CCDC91: variants seen among roughly 807,000 people sequenced by gnomAD.
The protein encoded by CCDC91 is coiled-coil domain containing 91.
A neutral mutation model predicts 63.2 loss-of-function variants in CCDC91; 48 were observed. The ratio of observed to expected loss-of-function variants is 0.76; its 90% CI spans 0.60 to 0.97. The LOEUF is 0.97. Ranked by LOEUF, CCDC91 falls within the 50% of genes least tolerant of loss-of-function variation. The pLI, the probability that CCDC91 is intolerant of heterozygous loss-of-function variation, is 0.00. For missense variants in CCDC91, 500 were observed against 494.6 expected, an observed-to-expected ratio of 1.01 and a Z score of -0.10; for synonymous variants, 167 against 165.8, an observed-to-expected ratio of 1.01 and a Z score of -0.06.
intron 12 of CCDC91, among the ~76,000 whole-genome samples, chr12:28,529,849 C>T (rs1941590847): frequency 6.6e-6 from 1 of 152,090 alleles, no homozygotes; most frequent in Non-Finnish European, 1.5e-5. Flanking sequence ...CTTTTTCATG[C>T]ATACCAAATC....
At chr12:28,344,193 A>G (rs1416901327) in intron 6 of CCDC91, among the ~76,000 whole-genome samples, 1 of 152,152 alleles carries the variant, frequency 6.6e-6, no homozygotes, top group African/African-American at 2.4e-5. Context: ...TGTAGTCACT[A>G]GCAAACTTAA....
intron 8 of CCDC91, among the ~76,000 whole-genome samples, chr12:28,396,473 T>C (rs1274194805): frequency 6.6e-6 from 1 of 152,088 alleles, no homozygotes; most frequent in Non-Finnish European, 1.5e-5. Context: ...GCATGTAAAA[T>C]AGTTAAACAG....
At chr12:28,231,441 A>G (rs1044330339) in intron 1 of CCDC91, among the ~76,000 whole-genome samples, 9 of 152,220 alleles carry the variant, frequency 5.9e-5, no homozygotes, top group African/African-American at 2.2e-4. Context: ...GTACATCCTT[A>G]GTACAGCTTG....
chr12:28,288,565 T>G (rs1296135973), intron 3 of CCDC91, among the ~76,000 whole-genome samples: 1 of 152,058 alleles, frequency 6.6e-6, no homozygotes, highest in African/African-American at 2.4e-5. Context: ...GATTGTAGGT[T>G]TTTGATGTGC....
chr12:28,514,785 A>G (rs541628155), intron 12 of CCDC91, among the ~76,000 whole-genome samples: 20 of 151,964 alleles, frequency 1.3e-4, no homozygotes, highest in African/African-American at 4.3e-4. Context: ...TTTGCCAAAG[A>G]TCAGATGGTT....
chr12:28,359,187 C>A (rs1343450714), intron 6 of CCDC91, among the ~76,000 whole-genome samples: 1 of 152,198 alleles, frequency 6.6e-6, no homozygotes, highest in Non-Finnish European at 1.5e-5. Flanking sequence ...AGCCACAGCA[C>A]CCAGCCTACA....
intron 12 of CCDC91, among the ~76,000 whole-genome samples, chr12:28,520,140 C>T (rs746933133): frequency 5.3e-5 from 8 of 152,114 alleles, no homozygotes; most frequent in Non-Finnish European, 8.8e-5. Context: ...CTTGAGGAAT[C>T]GCCACACTGA....
rs80135150 is a variant in CCDC91 at position 28,313,703 on chromosome 12, A to G, written c.576+5954A>G. 1.1e-4 allele frequency among the ~76,000 whole-genome samples: 16 copies of G among 152,188 alleles called. No individual in the cohort carries two copies. In the East Asian group the frequency reaches 1.4e-3, roughly 13 times the overall value. On this transcript the variant is annotated intron_variant, in intron 6 of 12. Coordinates refer to ENST00000536442, the MANE Select transcript of CCDC91 (RefSeq NM_018318.5). Reference sequence around the variant, plus strand: ...AAAGGAAATAAATACTGTGAACTCTATAGTACAATGGGGGTGTGTGCTATG... The same window carrying G: ...AAAGGAAATAAATACTGTGAACTCTGTAGTACAATGGGGGTGTGTGCTATG...
At chr12:28,379,469 A>G (rs79334376) in intron 7 of CCDC91, among the ~76,000 whole-genome samples, 5 of 150,900 alleles carry the variant, frequency 3.3e-5, no homozygotes, top group African/African-American at 4.9e-5. Context: ...AAAAAAAAAA[A>G]CCATAACCCC....
chr12:28,244,877 A>AG (rs1945616064), intron 1 of CCDC91, among the ~76,000 whole-genome samples: 1 of 151,994 alleles, frequency 6.6e-6, no homozygotes, highest in South Asian at 2.1e-4. Context: ...TCTCAAAAAA[A>AG]AAAAAGAAAT....
At chr12:28,348,755 G>A (rs368047243) in intron 6 of CCDC91, among the ~76,000 whole-genome samples, 7 of 151,220 alleles carry the variant, frequency 4.6e-5, no homozygotes, top group South Asian at 4.2e-4. Context: ...TCAGGGTCTC[G>A]CTCTGTCACC....
intron 12 of CCDC91, among the ~76,000 whole-genome samples, chr12:28,522,963 T>C (rs560539806): frequency 2.6e-5 from 4 of 152,308 alleles, no homozygotes; most frequent in East Asian, 1.9e-4. Flanking sequence ...TTCTGTTCTT[T>C]TACATTTGCT....
chr12:28,414,082 CTT>C (rs1947490797), intron 8 of CCDC91, among the ~76,000 whole-genome samples: 1 of 152,090 alleles, frequency 6.6e-6, no homozygotes, highest in African/African-American at 2.4e-5. Context: ...AAGAAAGAAA[CTT>C]ATGTGTGTTA....
intron 6 of CCDC91, among the ~76,000 whole-genome samples, chr12:28,328,793 G>A (rs757632843): frequency 6.6e-5 from 10 of 151,236 alleles, no homozygotes; most frequent in South Asian, 2.1e-4. Flanking sequence ...AAACAGATGC[G>A]ATTTTTTTTT....
chr12:28,397,128 G>A (rs1381826306), intron 8 of CCDC91, among the ~76,000 whole-genome samples: 2 of 152,106 alleles, frequency 1.3e-5, no homozygotes, highest in Non-Finnish European at 2.9e-5. Flanking sequence ...AAAGATAGTA[G>A]GAAACCCAGA....
chr12:28,434,875 T>A (rs1434493098), intron 8 of CCDC91, among the ~76,000 whole-genome samples: 8 of 151,650 alleles, frequency 5.3e-5, no homozygotes, highest in Admixed American at 4.6e-4. Context: ...TGTGCATTTT[T>A]AAAAATTGGT....
chr12:28,365,773 C>T (rs547895942), intron 7 of CCDC91, among the ~76,000 whole-genome samples: 7 of 152,270 alleles, frequency 4.6e-5, no homozygotes, highest in African/African-American at 1.7e-4. Context: ...CATAGCATTC[C>T]TTGACATTTC....
Position 28,455,911 on chromosome 12 carries a change from A to G in CCDC91, c.1101+3257A>G, listed in dbSNP as rs757587898. ...GGGGAGACTAAAGCTTACAGAGATTATGTAACTTGTTTTAGGCCATGTGAC... is the reference window on the plus strand; with the variant it reads ...GGGGAGACTAAAGCTTACAGAGATTGTGTAACTTGTTTTAGGCCATGTGAC... On this transcript the variant is annotated intron_variant, in intron 11 of 12. Transcript: ENST00000536442. Among the ~76,000 whole-genome samples the G allele has an allele frequency of 3.9e-5, 6 of 152,112 alleles. No homozygotes were observed. In the South Asian group the frequency reaches 6.2e-4, roughly 16 times the overall value.
At chr12:28,479,121 C>G (rs1327669447) in intron 11 of CCDC91, among the ~76,000 whole-genome samples, 3 of 152,018 alleles carry the variant, frequency 2.0e-5, no homozygotes, top group African/African-American at 7.2e-5. Flanking sequence ...GGGTATATAC[C>G]TAAAGGATTG....
Sources: allele counts gnomAD v4.1 joint callset (sites outside exome capture counted in the v4.1 genomes callset), GRCh38; gene constraint gnomAD v4.1.1; transcripts MANE v1.5; gene names NCBI Gene and HGNC (gene_info 2026-07-23, HGNC 2026-07-21).